Variants in CCR5AS observed in about 807,000 individuals in gnomAD.
CCR5AS encodes CCR5 antisense RNA.
intron 2 of CCR5AS, among the ~76,000 whole-genome samples, chr3:46,387,896 G>A (rs552868136): frequency 3.9e-5 from 6 of 152,308 alleles, no homozygotes; most frequent in South Asian, 2.1e-4. Context: ...GTCACAAGGT[G>A]CTCAGTGGGG....
intron 3 of CCR5AS, among the ~76,000 whole-genome samples, chr3:46,367,027 T>C (rs1701606308): frequency 6.6e-6 from 1 of 152,044 alleles, no homozygotes; most frequent in East Asian, 1.9e-4. Flanking sequence ...GACGGAGCTC[T>C]GTTAAATATA....
At chr3:46,372,805 A>G in intron 2 of CCR5AS, 2 of 903,182 alleles carry the variant, frequency 2.2e-6, no homozygotes, top group Non-Finnish European at 3.4e-6. Flanking sequence ...TTAAAAACCT[A>G]TTGATGTATA....
intron 2 of CCR5AS, among the ~76,000 whole-genome samples, chr3:46,381,343 T>C (rs1286776271): frequency 6.6e-6 from 1 of 152,218 alleles, no homozygotes; most frequent in African/African-American, 2.4e-5. Flanking sequence ...GCATTATTCC[T>C]GAAGAACTGG....
At chr3:46,375,585 A>G (rs1701744571) in intron 2 of CCR5AS, 1 of 166,056 alleles carries the variant, frequency 6.0e-6, no homozygotes, top group Non-Finnish European at 1.5e-5. Flanking sequence ...GGACATATTC[A>G]TTTGGAAATA....
intron 1 of CCR5AS, among the ~76,000 whole-genome samples, chr3:46,404,080 A>G (rs1357574223): frequency 6.6e-6 from 1 of 152,208 alleles, no homozygotes; most frequent in East Asian, 1.9e-4. Flanking sequence ...TAAATCAGTA[A>G]CTGGAGCCTC....
At chr3:46,400,982 G>A (rs913347476) in intron 1 of CCR5AS, among the ~76,000 whole-genome samples, 1 of 152,210 alleles carries the variant, frequency 6.6e-6, no homozygotes, top group Non-Finnish European at 1.5e-5. Flanking sequence ...AGGAGATGGT[G>A]CGAATGTTTT....
intron 1 of CCR5AS, among the ~76,000 whole-genome samples, chr3:46,403,898 A>C (rs1262929236): frequency 6.6e-6 from 1 of 152,224 alleles, no homozygotes; most frequent in Non-Finnish European, 1.5e-5. Flanking sequence ...ATCAGCCAAA[A>C]GAACAAAAAC....
chr3:46,388,772 A>G (rs1701883102), intron 2 of CCR5AS, among the ~76,000 whole-genome samples: 1 of 152,212 alleles, frequency 6.6e-6, no homozygotes, highest in South Asian at 2.1e-4. Context: ...AGTGTGGTGG[A>G]GATAGCTGAG....
intron 2 of CCR5AS, among the ~76,000 whole-genome samples, chr3:46,387,501 C>T (rs2106767115): frequency 1.3e-5 from 2 of 152,312 alleles, no homozygotes; most frequent in East Asian, 1.9e-4. Flanking sequence ...TCTCCCTCCA[C>T]ACTTTAGGTG....
intron 2 of CCR5AS, among the ~76,000 whole-genome samples, chr3:46,384,599 C>A (rs980886104): frequency 1.3e-5 from 2 of 152,010 alleles, no homozygotes; most frequent in Non-Finnish European, 2.9e-5. Flanking sequence ...TGAACAGTGT[C>A]GGGATAAGGC....
rs1303780986 is a variant in CCR5AS at position 46,397,251 on chromosome 3, GT to G, written n.164-4200del. On this transcript the variant is annotated intron_variant and non_coding_transcript_variant, in intron 1 of 3. Coordinates refer to ENST00000451485, the Ensembl canonical transcript of CCR5AS. ...CACATGACTCCCTGAATTATAGTCAGTTCCGTACCTGAATCTCCCTCTAGAA... is the reference window on the plus strand; with the variant it reads ...CACATGACTCCCTGAATTATAGTCAGTCCGTACCTGAATCTCCCTCTAGAA... Among the ~76,000 whole-genome samples, 4 of 152,358 alleles carry G rather than the reference GT, an allele frequency of 2.6e-5. No individual in the cohort carries two copies. In the South Asian group the frequency reaches 6.2e-4, roughly 24 times the overall value.
intron 2 of CCR5AS, chr3:46,374,210 C>T: frequency 2.8e-6 from 1 of 353,742 alleles, no homozygotes; most frequent in Admixed American, 4.4e-5. Flanking sequence ...CTCCCCTTCA[C>T]ATGCATCAAG....
intron 1 of CCR5AS, among the ~76,000 whole-genome samples, chr3:46,395,613 T>C (rs1188862780): frequency 1.3e-5 from 2 of 152,182 alleles, no homozygotes; most frequent in Non-Finnish European, 1.5e-5. Context: ...AAAGACTTTG[T>C]AACTCCTGCC....
rs188423028 is a variant in CCR5AS at position 46,372,141 on chromosome 3, G to A, written n.392-724C>T. Among the ~76,000 whole-genome samples the A allele has an allele frequency of 3.3e-4, 51 of 152,268 alleles. 1 individual carries two copies. The highest frequency in any genetic ancestry group is 2.8e-3 in the Admixed American group (43 of 15,290). On this transcript the variant is annotated intron_variant and non_coding_transcript_variant, in intron 2 of 3. Transcript: ENST00000451485. ...GGTATGATGCTTAGAACAGTGATTG[G>A]CATCCAGTATGTGCCCTCGAGGCCT...
At chr3:46,373,217 A>G (rs1222302418) in intron 2 of CCR5AS, 1 of 1,614,190 alleles carries the variant, frequency 6.2e-7, no homozygotes, top group Non-Finnish European at 8.5e-7. Flanking sequence ...AACTCTTGAC[A>G]GGGCTCTATT....
At chr3:46,373,141 T>C in intron 2 of CCR5AS, 1 of 1,614,196 alleles carries the variant, frequency 6.2e-7, no homozygotes, top group Non-Finnish European at 8.5e-7. Flanking sequence ...CTGTTTTTCC[T>C]TCTTACTGTC....
exon 1 of CCR5AS, chr3:46,407,009 G>T (rs1702055774): frequency 6.6e-6 from 1 of 152,318 alleles, no homozygotes; most frequent in Admixed American, 6.5e-5. Context: ...TGGACTCGTG[G>T]TCACCACATA....
At chr3:46,383,621 G>A (rs1198002451) in intron 2 of CCR5AS, among the ~76,000 whole-genome samples, 1 of 152,134 alleles carries the variant, frequency 6.6e-6, no homozygotes, top group African/African-American at 2.4e-5. Context: ...TACTGTGGAG[G>A]CCAGGGATGG....
At chr3:46,366,614 T>A (rs140654422) in intron 3 of CCR5AS, among the ~76,000 whole-genome samples, 1,534 of 152,282 alleles carry the variant, frequency 0.01, 32 homozygotes, top group African/African-American at 0.031. Flanking sequence ...ATGTGGTTCA[T>A]GGGCTGGGAA....
Sources: allele counts gnomAD v4.1 joint callset (sites outside exome capture counted in the v4.1 genomes callset), GRCh38; gene constraint gnomAD v4.1.1; transcripts MANE v1.5; gene names NCBI Gene and HGNC (gene_info 2026-07-23, HGNC 2026-07-21).